The following KIAA1217 variants were observed in gnomAD, a reference collection of about 807,000 sequenced individuals.
KIAA1217 encodes sickle tail protein homolog.
Under a neutral mutation model 163.9 loss-of-function variants are expected in KIAA1217, and 88 were observed. The observed-to-expected ratio is 0.54, with a 90% confidence interval of 0.45 to 0.64. The LOEUF (loss-of-function observed/expected upper bound fraction) is 0.64. Ranked by LOEUF, KIAA1217 falls within the 30% of genes least tolerant of loss-of-function variation. The pLI, the probability that KIAA1217 is intolerant of heterozygous loss-of-function variation, is 0.00. For missense variants in KIAA1217, 2,372 were observed against 2,475.0 expected (o/e 0.96, Z 0.88); for synonymous variants, 903 against 923.1 (o/e 0.98, Z 0.39).
intron 1 of KIAA1217, among the ~76,000 whole-genome samples, chr10:23,761,285 G>A (rs556664649): frequency 6.6e-6 from 1 of 152,184 alleles, no homozygotes; most frequent in South Asian, 2.1e-4. Flanking sequence ...GTTATTTCTT[G>A]TCTTCTGCTA....
At chr10:24,084,800 A>C (rs1315666303) in intron 2 of KIAA1217, among the ~76,000 whole-genome samples, 2 of 152,090 alleles carry the variant, frequency 1.3e-5, no homozygotes, top group Admixed American at 1.3e-4. Context: ...CCTTTGCCGC[A>C]TCTGACTCAG....
chr10:24,158,297 C>T (rs532803822), intron 2 of KIAA1217: 2 of 700,614 alleles, frequency 2.9e-6, no homozygotes, highest in South Asian at 2.7e-5. Flanking sequence ...CGGTTGGATC[C>T]TTTTTATACT....
chr10:23,927,833 C>A (rs969262902), intron 1 of KIAA1217, among the ~76,000 whole-genome samples: 2 of 152,130 alleles, frequency 1.3e-5, no homozygotes, highest in African/African-American at 4.8e-5. Context: ...ACTTCTGAAA[C>A]TAGTGCGCGA....
chr10:23,966,696 G>C (rs1026876337), intron 1 of KIAA1217, among the ~76,000 whole-genome samples: 2 of 152,228 alleles, frequency 1.3e-5, no homozygotes, highest in African/African-American at 4.8e-5. Flanking sequence ...TCCAGAGAAA[G>C]AGGAAGAAGA....
chr10:24,429,927 G>A (rs753644446), intron 3 of KIAA1217, among the ~76,000 whole-genome samples: 9 of 152,108 alleles, frequency 5.9e-5, no homozygotes, highest in Non-Finnish European at 1.2e-4. Flanking sequence ...CAGATCACTT[G>A]AGCTCAGGAG....
At chr10:23,967,332 T>G (rs1490322914) in intron 1 of KIAA1217, among the ~76,000 whole-genome samples, 1 of 152,118 alleles carries the variant, frequency 6.6e-6, no homozygotes, top group Non-Finnish European at 1.5e-5. Flanking sequence ...GGTATGAGGT[T>G]TTAGAAAATT....
intron 2 of KIAA1217, among the ~76,000 whole-genome samples, chr10:24,312,413 C>T (rs1172099039): frequency 1.3e-5 from 2 of 151,870 alleles, no homozygotes; most frequent in East Asian, 1.9e-4. Flanking sequence ...GTCAGGAGTT[C>T]GAGATCAGCC....
intron 1 of KIAA1217, among the ~76,000 whole-genome samples, chr10:23,840,557 A>G (rs943214406): frequency 1.3e-5 from 2 of 152,214 alleles, no homozygotes; most frequent in Admixed American, 1.3e-4. Flanking sequence ...ATGGAAGTCT[A>G]TATTTTTCTT....
At chr10:24,410,909 C>G (rs562837355) in intron 3 of KIAA1217, among the ~76,000 whole-genome samples, 1 of 152,296 alleles carries the variant, frequency 6.6e-6, no homozygotes, top group Admixed American at 6.5e-5. Flanking sequence ...TTCTCACAGT[C>G]CTTCGTGCGT....
chr10:24,093,242 C>T lies in KIAA1217; in HGVS notation c.-171+85868C>T, dbSNP rs545489744. ...CTGGAGTGCAATGGCACCATCTCGG[C>T]TCACTGCAGCCTCCACCTGCTGGGT... On this transcript the variant is annotated intron_variant, in intron 2 of 18. Transcript: ENST00000376462. Among the ~76,000 whole-genome samples, 116 of 151,850 alleles carry T rather than the reference C, an allele frequency of 7.6e-4. 1 individual carries two copies. The highest frequency in any genetic ancestry group is 2.7e-3 in the African/African-American group (111 of 41,154).
At chr10:24,162,659 C>A (rs1190506742) in intron 2 of KIAA1217, among the ~76,000 whole-genome samples, 2 of 152,228 alleles carry the variant, frequency 1.3e-5, no homozygotes, top group African/African-American at 4.8e-5. Flanking sequence ...CAACATGAAT[C>A]ATAAATTTTT....
At chr10:23,707,770 GT>G (rs1198171657) in intron 1 of KIAA1217, among the ~76,000 whole-genome samples, 2 of 152,142 alleles carry the variant, frequency 1.3e-5, no homozygotes, top group African/African-American at 4.8e-5. Context: ...AAATGTCCTT[GT>G]CTGGATTCAC....
At chr10:23,778,180 T>C (rs7071372) in intron 1 of KIAA1217, among the ~76,000 whole-genome samples, 2,677 of 151,662 alleles carry the variant, frequency 0.018, 73 homozygotes, top group African/African-American at 0.061. Flanking sequence ...ACCTCGTGAT[T>C]CCCCCCCCTT....
Position 23,889,649 on chromosome 10 carries a change from C to T in KIAA1217, c.-320-117576C>T, listed in dbSNP as rs548476227. ...ACTAATGGTTTGCATTGTATTTTCC[C>T]AAAGTAGTATTTGAAGAGCAAGAAA... On this transcript the variant is annotated intron_variant, in intron 1 of 18. Transcript: ENST00000376462. 2.0e-5 allele frequency among the ~76,000 whole-genome samples: 3 copies of T among 151,848 alleles called. No homozygotes were observed. The South Asian group carries it at 6.2e-4, about 32-fold the overall frequency.
intron 1 of KIAA1217, among the ~76,000 whole-genome samples, chr10:23,836,611 G>C (rs1435689624): frequency 1.3e-5 from 2 of 150,778 alleles, no homozygotes; most frequent in African/African-American, 4.9e-5. Flanking sequence ...TTGGTTTTTA[G>C]TGTATCCATC....
At position 23,694,819 on chromosome 10, in the gene KIAA1217, T is replaced by A. The variant is rs1428161123; in HGVS notation, c.-736T>A. On this transcript the variant is annotated 5_prime_UTR_variant, in exon 1 of 19. Coordinates refer to the KIAA1217 transcript ENST00000376462. ...CCGCCGCCGTTCCCGCGCTCCTCCC[T>A]CTCCTCTGCACCCACTGTCACGCTA... 3.3e-5 allele frequency: 5 copies of A among 152,792 alleles called. No homozygotes were observed. The East Asian group carries it at 9.7e-4, about 30-fold the overall frequency. The allele number at this position is 152,792 out of a possible 1,614,324, so 9.5% of individuals were successfully genotyped here. A position where few individuals can be genotyped will look rare whatever the true frequency, so the allele number is the denominator to read the frequency against.
At chr10:24,090,164 C>CTTTTTTTTTTTTTTTTTTT (rs1162687231) in intron 2 of KIAA1217, among the ~76,000 whole-genome samples, 5 of 109,238 alleles carry the variant, frequency 4.6e-5, no homozygotes, top group Non-Finnish European at 7.2e-5. Context: ...TTTTCTTTTT[C>CTTTTTTTTTTTTTTTTTTT]TTTTTTTTTT....
intron 1 of KIAA1217, among the ~76,000 whole-genome samples, chr10:23,819,590 A>G (rs1195574093): frequency 6.6e-6 from 1 of 152,206 alleles, no homozygotes; most frequent in African/African-American, 2.4e-5. Context: ...CCTAAATAAT[A>G]TAGATCTTAA....
intron 1 of KIAA1217, among the ~76,000 whole-genome samples, chr10:23,805,996 C>CAAAAAAAAAAAAAAAAAAAAAAAAAA (rs71397917): frequency 2.6e-4 from 8 of 30,512 alleles, no homozygotes; most frequent in African/African-American, 4.3e-4. Context: ...AACTCCATCT[C>CAAAAAAAAAAAAAAAAAAAAAAAAAA]AAAAAAAAAA....
Sources: allele counts gnomAD v4.1 joint callset (sites outside exome capture counted in the v4.1 genomes callset), GRCh38; gene constraint gnomAD v4.1.1; transcripts MANE v1.5; gene names NCBI Gene and HGNC (gene_info 2026-07-23, HGNC 2026-07-21).